Variants in CSDE1 observed in about 807,000 individuals in gnomAD.
CSDE1 encodes cold shock domain containing E1.
Under a neutral mutation model 89.3 loss-of-function variants are expected in CSDE1, and 17 were observed. That is an observed-to-expected ratio of 0.19 (90% CI 0.13 to 0.29). CSDE1 has a LOEUF of 0.29. Among genes scored for constraint, CSDE1 ranks in the 10% least tolerant of loss-of-function variants. The probability of loss-of-function intolerance (pLI) is 1.00; values close to 1 mark genes in which losing one functional copy is unlikely to be tolerated. For synonymous variants in CSDE1, 322 were observed against 332.8 expected, an observed-to-expected ratio of 0.97 and a Z score of 0.35; for missense variants, 672 against 984.2, an observed-to-expected ratio of 0.68 and a Z score of 4.24.
chr1:114,757,651 T>A (rs1017087149), intron 1 of CSDE1, among the ~76,000 whole-genome samples: 2 of 151,542 alleles, frequency 1.3e-5, no homozygotes, highest in Admixed American at 6.6e-5. Context: ...TTTCGCTCCC[T>A]CCCCCCACTT....
intron 2 of CSDE1, among the ~76,000 whole-genome samples, chr1:114,747,878 T>A (rs1424576606): frequency 2.0e-5 from 3 of 151,542 alleles, no homozygotes; most frequent in Non-Finnish European, 2.9e-5. Context: ...AAAAAAAAAA[T>A]CTAATCTTTT....
chr1:114,719,755 A>G lies in CSDE1; in HGVS notation c.2053-13T>C, dbSNP rs1351877081. The G allele has an allele frequency of 2.5e-6, 4 of 1,606,220 alleles. No individual in the cohort carries two copies. The South Asian group carries it at 4.5e-5, about 18-fold the overall frequency. On this transcript the variant is annotated splice_polypyrimidine_tract_variant and intron_variant, in intron 17 of 19. Transcript: ENST00000358528. ...TAATGAAGCCAAACTGAAAAAAAAA[A>G]GTAGGTAAAAAAGAGAGGGCATGCC...
intron 18 of CSDE1, among the ~76,000 whole-genome samples, chr1:114,719,102 A>G (rs915642523): frequency 6.6e-6 from 1 of 152,182 alleles, no homozygotes; most frequent in Non-Finnish European, 1.5e-5. Context: ...ACTTGAGCCC[A>G]GAAGTTCGAG....
At position 114,733,779 on chromosome 1, in the gene CSDE1, C is replaced by G. The variant is rs534189855; in HGVS notation, c.790G>C (p.Glu264Gln). 21 of 1,613,872 alleles carry G rather than the reference C, an allele frequency of 1.3e-5. No homozygotes were observed. The African/African-American group carries it at 2.4e-4, about 18-fold the overall frequency. Residue 264 changes from glutamate to glutamine, a missense_variant, in exon 9 of 20, where the codon GAA becomes CAA. This residue lies in a region of CSDE1 where 169 missense variants were observed against 262.9 expected (regional missense o/e 0.64). Transcript: ENST00000358528. ...GGGATAACTTTGGTTACAGTTCCTT[C>G]AAAATGTTCAATGCTGATATCTTCA... ...IFEDISIEHF[E>Q]GTVTKVIPKV...
chr1:114,740,648 T>C (rs77021112), intron 2 of CSDE1, among the ~76,000 whole-genome samples: 4,004 of 152,310 alleles, frequency 0.026, 94 homozygotes, highest in Non-Finnish European at 0.034. Flanking sequence ...TTTAGTGAAA[T>C]AGGAGCTATT....
At chr1:114,747,471 T>C (rs1661073945) in intron 2 of CSDE1, among the ~76,000 whole-genome samples, 2 of 152,258 alleles carry the variant, frequency 1.3e-5, no homozygotes, top group Non-Finnish European at 2.9e-5. Flanking sequence ...AATGTTCATG[T>C]AGTAAACTAA....
intron 16 of CSDE1, among the ~76,000 whole-genome samples, 175 bp downstream of exon 16, chr1:114,723,708 C>T (rs115150847): frequency 4.8e-4 from 73 of 152,304 alleles, no homozygotes; most frequent in African/African-American, 1.7e-3. Flanking sequence ...TAAACCCAGA[C>T]TGACCTCATT....
chr1:114,742,946 T>C (rs1305120905), intron 2 of CSDE1, among the ~76,000 whole-genome samples: 1 of 152,238 alleles, frequency 6.6e-6, no homozygotes, highest in South Asian at 2.1e-4. Flanking sequence ...ATAATATCCC[T>C]CACTTCACAT....
Position 114,720,638 on chromosome 1 carries a change from G to C in CSDE1, c.1953C>G (p.Ser651Arg). The stretch of plus-strand genomic sequence containing the variant: ...CCAGGACACACAATTGGAACTTGAC[G>C]CTCTCCCCTTTCTGCAGGCAATCCC... The part of the protein sequence containing the change: ...NKGDCLQKGE[S>R]VKFQLCVLGQ... The change falls in exon 17 of 20, where the codon AGC (serine) becomes AGG (arginine). Residue 651 changes from serine to arginine, a missense_variant. Physicochemically the swap from Ser to Arg is moderately radical, Grantham distance 110. Around this residue, in one of 8 missense-constraint regions of CSDE1, gnomAD observed 206 missense variants for 332.4 expected, o/e 0.62. Transcript: ENST00000358528. The C allele has an allele frequency of 6.2e-7, 1 of 1,614,112 alleles. No homozygotes were observed. Among genetic ancestry groups the C allele is most frequent in the Non-Finnish European group, 8.5e-7 (1 of 1,180,016 alleles).
At chr1:114,740,861 A>T (rs1660687722) in intron 2 of CSDE1, among the ~76,000 whole-genome samples, 1 of 152,236 alleles carries the variant, frequency 6.6e-6, no homozygotes, top group Admixed American at 6.5e-5. Flanking sequence ...TTTCACTGAA[A>T]ATCTGATTTA....
intron 3 of CSDE1, among the ~76,000 whole-genome samples, chr1:114,739,160 T>C (rs993778739): frequency 4.6e-5 from 7 of 151,968 alleles, no homozygotes; most frequent in African/African-American, 1.5e-4. Context: ...GCCTCCCGAG[T>C]AGCTGGGACT....
rs1246146693 is a variant in CSDE1 at position 114,730,733 on chromosome 1, C to A, written c.1051-85G>T. 3.3e-6 allele frequency: 5 copies of A among 1,512,448 alleles called. No individual in the cohort carries two copies. In the South Asian group the frequency reaches 3.6e-5, roughly 11 times the overall value. The allele number at this position is 1,512,448 out of a possible 1,614,324, so 93.7% of individuals were successfully genotyped here. ...TTTACAACCACCATCAAGTTAAATT[C>A]ATCAGGAATTTTCTCTGATGTGACA... On this transcript the variant is annotated intron_variant, in intron 10 of 19. Transcript: ENST00000358528.
intron 2 of CSDE1, among the ~76,000 whole-genome samples, chr1:114,744,626 C>A (rs928531365): frequency 6.6e-6 from 1 of 151,970 alleles, no homozygotes; most frequent in Non-Finnish European, 1.5e-5. Context: ...AAAACATACA[C>A]ACACACCCCC....
intron 2 of CSDE1, chr1:114,746,509 T>C (rs1409006462): frequency 6.6e-6 from 1 of 152,164 alleles, no homozygotes; most frequent in Non-Finnish European, 1.5e-5. Context: ...ATCAGACTCT[T>C]TGTAGTTTAT....
At chr1:114,733,512 G>C (rs1186628531) in intron 9 of CSDE1, among the ~76,000 whole-genome samples, 1 of 142,516 alleles carries the variant, frequency 7.0e-6, no homozygotes, top group Non-Finnish European at 1.5e-5. Flanking sequence ...GCGACAGAGC[G>C]AGACTCTGTC....
chr1:114,719,515 C>A, intron 18 of CSDE1, 64 bp downstream of exon 18: 1 of 1,479,332 alleles, frequency 6.8e-7, no homozygotes, highest in South Asian at 1.3e-5. Context: ...TGTGACAAAA[C>A]AGAGACTATA....
At chr1:114,726,946 C>T (rs376558056) in intron 13 of CSDE1, 37 bp downstream of exon 13, 13 of 1,371,738 alleles carry the variant, frequency 9.5e-6, no homozygotes, top group Non-Finnish European at 1.2e-5. Flanking sequence ...AAGATGACAA[C>T]TCTTAACCCT....
Position 114,749,355 on chromosome 1 carries a change from T to G in CSDE1, c.-1+466A>C, listed in dbSNP as rs890396358. On this transcript the variant is annotated intron_variant, in intron 2 of 19. Transcript: ENST00000358528. The stretch of plus-strand genomic sequence containing the variant: ...AACAATACAGTAGGCATGTCAACCA[T>G]TTACAAATGTGCACTGTATACCGTT... 2.6e-5 allele frequency among the ~76,000 whole-genome samples: 4 copies of G among 152,326 alleles called. No homozygotes were observed. The East Asian group carries it at 7.7e-4, about 29-fold the overall frequency.
At chr1:114,720,147 T>G (rs759829360) in intron 17 of CSDE1, 4 of 212,820 alleles carry the variant, frequency 1.9e-5, no homozygotes, top group Non-Finnish European at 3.7e-5. Context: ...CCCTGAGATC[T>G]CAGGAGTAAG....
Sources: gnomAD v4.1 joint callset for allele counts (sites outside exome capture counted in the v4.1 genomes callset) on GRCh38, gnomAD v4.1.1 for gene constraint, gnomAD v4.1.1 regional missense constraint, MANE v1.5 for transcripts, NCBI Gene and HGNC (gene_info 2026-07-23, HGNC 2026-07-21) for gene names.